BEND2: variants seen among roughly 807,000 people sequenced by gnomAD.
The protein encoded by BEND2 is BEN domain containing 2, also known as BEN domain-containing protein 2.
In BEND2, 19 loss-of-function variants were observed where a neutral mutation model predicts 43.8. That is an observed-to-expected ratio of 0.43 (90% CI 0.30 to 0.64). The LOEUF is 0.64. BEND2 is among the 30% of genes least tolerant of loss of function. The pLI, the probability that BEND2 is intolerant of heterozygous loss-of-function variation, is 0.11. For missense variants in BEND2, 544 were observed against 574.0 expected, an observed-to-expected ratio of 0.95 and a Z score of 0.53; for synonymous variants, 226 against 210.1, an observed-to-expected ratio of 1.08 and a Z score of -0.66.
In BEND2 at chrX:18,164,829, C is replaced by T. The variant is rs572490384; in HGVS notation, c.*180G>A. 2.4e-4 allele frequency: 108 copies of T among 441,659 alleles called. No homozygotes were observed. In the South Asian group the frequency reaches 4.3e-3, roughly 18 times the overall value. The allele number at this position is 441,659 out of a possible 1,213,427, so 36.4% of individuals were successfully genotyped here. ...CATCAAATCCACAGATGAAACATTACGTATCTTCCTAATGTGATTCTACCT... is the reference window on the plus strand; with the variant it reads ...CATCAAATCCACAGATGAAACATTATGTATCTTCCTAATGTGATTCTACCT... On this transcript the variant is annotated 3_prime_UTR_variant, in exon 14 of 14. Coordinates refer to ENST00000380033, the MANE Select transcript of BEND2 (RefSeq NM_153346.5).
chrX:18,163,908 A>G lies in BEND2; in HGVS notation c.*1101T>C, dbSNP rs185378772. On this transcript the variant is annotated 3_prime_UTR_variant, in exon 14 of 14. Transcript: ENST00000380033. ...TTGTAAAAAACTTGTGAAACTGAAC[A>G]GTGAATGAAGCCAAAGACTATCTTA... The G allele has an allele frequency of 3.6e-4, 40 of 112,666 alleles. No homozygotes were observed. Among genetic ancestry groups the G allele is most frequent in the African/African-American group, 9.3e-4 (29 of 31,111 alleles). The allele number at this position is 112,666 out of a possible 1,213,427, so 9.3% of individuals were successfully genotyped here.
At chrX:18,180,766 A>T in intron 8 of BEND2, 116 bp from the exon 9 acceptor site, 1 of 521,613 alleles carries the variant, frequency 1.9e-6, no homozygotes, top group Non-Finnish European at 3.0e-6. Context: ...TTGCCAGCAG[A>T]CCTACTCTTT....
chrX:18,201,165 G>A (rs901230164), intron 6 of BEND2, among the ~76,000 whole-genome samples: 7 of 110,523 alleles, frequency 6.3e-5, no homozygotes, highest in South Asian at 3.9e-4. Flanking sequence ...AGGCAGAGGC[G>A]GACAGATCAC....
Position 18,216,541 on chromosome X carries a change from C to A in BEND2, c.218G>T (p.Arg73Leu), listed in dbSNP as rs761910556. Residue 73 changes from arginine to leucine, a missense_variant, in exon 2 of 14, where the codon CGT (arginine) becomes CTT (leucine). This residue lies in a region of BEND2 where 501 missense variants were observed against 501.6 expected (regional missense o/e 1.00). Transcript: ENST00000380033. ...ATTACCATATGACATTTGGAGTGGA[C>A]GGTGATGGCCATCATTGCCGCCTGG... Reference protein sequence around the residue: ...NFPGGNDGHHRPLQMSYGSGS... With the variant: ...NFPGGNDGHHLPLQMSYGSGS... 3.3e-6 allele frequency: 4 copies of A among 1,204,641 alleles called. No individual in the cohort carries two copies. Among genetic ancestry groups the A allele is most frequent in the Non-Finnish European group, 4.5e-6 (4 of 889,357 alleles).
chrX:18,177,802 G>A, intron 9 of BEND2, 33 bp from the exon 10 acceptor site: 1 of 1,136,380 alleles, frequency 8.8e-7, no homozygotes, highest in African/African-American at 1.8e-5. Context: ...GAACATCCTT[G>A]GTTTTGTCAT....
At chrX:18,203,255 T>A (rs1480149422) in intron 5 of BEND2, among the ~76,000 whole-genome samples, 4 of 105,613 alleles carry the variant, frequency 3.8e-5, no homozygotes, top group Non-Finnish European at 5.9e-5. Context: ...AAAATTGTTT[T>A]AAAAAAAAAA....
At chrX:18,206,639 T>C (rs763674053) in intron 4 of BEND2, among the ~76,000 whole-genome samples, 1 of 110,592 alleles carries the variant, frequency 9.0e-6, no homozygotes, top group African/African-American at 3.3e-5. Context: ...AGCAAGGATG[T>C]CAGCCCAGGC....
intron 4 of BEND2, among the ~76,000 whole-genome samples, chrX:18,211,054 T>C (rs756742534): frequency 1.8e-5 from 2 of 111,402 alleles, no homozygotes; most frequent in African/African-American, 6.5e-5. Context: ...TCCAAAGTGC[T>C]TTCAGATAAT....
rs753485985 is a variant in BEND2, at chrX:18,180,645, A to T, written c.1294T>A (p.Leu432Ile). ...ACTTTTACCAAAATATTCAGAGGTAACAGTGCTGAAAGAAAAGAACTCTCA... is the reference window on the plus strand; with the variant it reads ...ACTTTTACCAAAATATTCAGAGGTATCAGTGCTGAAAGAAAAGAACTCTCA... ...SACLTPDFAL[L>I]PLNILVKVDT... Residue 432 changes from leucine (L) to isoleucine (I), a missense_variant, in exon 9 of 14, where the codon TTA (leucine) becomes ATA (isoleucine). Leu to Ile is a conservative substitution (Grantham distance 5). This residue lies in a region of BEND2 where 501 missense variants were observed against 501.6 expected (regional missense o/e 1.00). Coordinates refer to ENST00000380033, the MANE Select transcript of BEND2 (RefSeq NM_153346.5). 25 of 1,200,899 alleles carry T rather than the reference A, an allele frequency of 2.1e-5. No individual in the cohort carries two copies. In the African/African-American group the frequency reaches 4.0e-4, roughly 19 times the overall value.
At position 18,195,312 on chromosome X, in the gene BEND2, G is replaced by T; in HGVS notation, c.1164C>A (p.Pro388=). ...SAPYPASSYL[P]ITSNFESGPQ... is the part of the protein sequence containing the mutation. ...CAAACTCACCAAAATTAGAAGTGAT[G>T]GGAAGATATGAAGAGGCTGGATATG... The change falls in exon 7 of 14, where the codon CCC becomes CCA. Residue 388 remains proline (P), a synonymous_variant. Coordinates refer to ENST00000380033, the MANE Select transcript of BEND2 (RefSeq NM_153346.5). 1 of 1,206,723 alleles carries T rather than the reference G, an allele frequency of 8.3e-7. No individual in the cohort carries two copies. The highest frequency in any genetic ancestry group is 1.8e-5 in the South Asian group (1 of 55,471).
intron 8 of BEND2, among the ~76,000 whole-genome samples, chrX:18,181,217 G>A (rs972012278): frequency 4.5e-5 from 5 of 111,657 alleles, no homozygotes; most frequent in African/African-American, 1.6e-4. Context: ...TACTATCATT[G>A]TAATTATTAT....
At chrX:18,215,991 G>A (rs1388711528) in intron 2 of BEND2, among the ~76,000 whole-genome samples, 1 of 111,661 alleles carries the variant, frequency 9.0e-6, no homozygotes, top group African/African-American at 3.3e-5. Context: ...CTTTCCATGG[G>A]GTCTTGGATG....
intron 13 of BEND2, among the ~76,000 whole-genome samples, chrX:18,169,789 C>T (rs760942682): frequency 5.7e-4 from 64 of 111,931 alleles, no homozygotes; most frequent in African/African-American, 1.8e-3. Flanking sequence ...GTGAATAATA[C>T]GTCAAACTCA....
chrX:18,175,416 A>G (rs1924112856), intron 11 of BEND2, among the ~76,000 whole-genome samples: 1 of 112,453 alleles, frequency 8.9e-6, no homozygotes, highest in Non-Finnish European at 1.9e-5. Context: ...TAAAACAAAC[A>G]AAAATCTCTA....
At chrX:18,218,613 C>T (rs1925744736) in intron 1 of BEND2, among the ~76,000 whole-genome samples, 1 of 112,531 alleles carries the variant, frequency 8.9e-6, no homozygotes, top group Non-Finnish European at 1.9e-5. Flanking sequence ...TCGTAATCCC[C>T]GCACTTTGGG....
In BEND2 at chrX:18,201,886, T is replaced by C; in HGVS notation, c.962A>G (p.Tyr321Cys). The change falls in exon 6 of 14, where the codon TAT (tyrosine) becomes TGT (cysteine). Residue 321 changes from tyrosine (Y) to cysteine (C), a missense_variant. Transcript: ENST00000380033. ...SSKNSTETANYPTLMGNYNGQ... is the reference protein window; with the variant it reads ...SSKNSTETANCPTLMGNYNGQ... The stretch of plus-strand genomic sequence containing the variant: ...ATTGTAATTTCCCATTAAAGTTGGA[T>C]AATTCGCTGTCTCAGTGCTGTTTTT... The C allele has an allele frequency of 1.7e-6, 2 of 1,210,389 alleles. No individual in the cohort carries two copies. The highest frequency in any genetic ancestry group is 2.2e-6 in the Non-Finnish European group (2 of 894,901).
intron 7 of BEND2, among the ~76,000 whole-genome samples, chrX:18,191,647 TAAAC>T (rs1469549835): frequency 9.1e-6 from 1 of 109,665 alleles, no homozygotes; most frequent in Admixed American, 9.8e-5. Flanking sequence ...CCTGAAAAGA[TAAAC>T]AAACCACGGT....
At chrX:18,180,773 CTT>C (rs111461610) in intron 8 of BEND2, 123 bp from the exon 9 acceptor site, 18 of 398,774 alleles carry the variant, frequency 4.5e-5, no homozygotes, top group East Asian at 1.8e-4. Flanking sequence ...CAGACCTACT[CTT>C]TTTTTTTTTC....
In BEND2 at chrX:18,183,042, C is replaced by CAA. The variant is rs56812732; in HGVS notation, c.1289-2394_1289-2393dup. ...GGGTGACAGAGCGAGACTCTGTCTC[C>CAA]AAAAAAAAAAAAAAAAAAAAAAAAG... On this transcript the variant is annotated intron_variant, in intron 8 of 13. Coordinates refer to ENST00000380033, the MANE Select transcript of BEND2 (RefSeq NM_153346.5). Among the ~76,000 whole-genome samples the CAA allele has an allele frequency of 7.7e-3, 313 of 40,734 alleles. 1 individual carries two copies. The highest frequency in any genetic ancestry group is 0.026 in the Middle Eastern group (1 of 38). The allele number at this position is 40,734 out of a possible 115,157, so 35.4% of individuals were successfully genotyped here.
Sources: gnomAD v4.1 joint callset for allele counts (sites outside exome capture counted in the v4.1 genomes callset) on GRCh38, gnomAD v4.1.1 for gene constraint, gnomAD v4.1.1 regional missense constraint, MANE v1.5 for transcripts, NCBI Gene and HGNC (gene_info 2026-07-23, HGNC 2026-07-21) for gene names.